The following PROSER1 variants were observed in gnomAD, a reference collection of about 807,000 sequenced individuals.
PROSER1 encodes the protein proline and serine-rich protein 1.
Under a neutral mutation model 71.8 loss-of-function variants are expected in PROSER1, and 36 were observed. That is an observed-to-expected ratio of 0.50 (90% CI 0.38 to 0.66). The LOEUF is 0.66. Among genes scored for constraint, PROSER1 ranks in the 30% least tolerant of loss-of-function variants. The pLI is 0.00. For missense variants in PROSER1, 1,107 were observed against 1,135.0 expected (o/e 0.98, Z 0.35); for synonymous variants, 490 against 452.4 (o/e 1.08, Z -1.06).
At chr13:39,022,226 T>C in intron 9 of PROSER1, 100 bp downstream of exon 9, 2 of 807,386 alleles carry the variant, frequency 2.5e-6, no homozygotes, top group South Asian at 2.9e-5. Context: ...CTTGAGCTTG[T>C]GTTCCCTCTG....
intron 3 of PROSER1, among the ~76,000 whole-genome samples, chr13:39,029,852 G>C (rs960788695): frequency 6.6e-6 from 1 of 152,142 alleles, no homozygotes; most frequent in African/African-American, 2.4e-5. Flanking sequence ...GTAGGGAAAA[G>C]CTGGGTTAAA....
In PROSER1 at chr13:39,012,964, G is replaced by T. The variant is rs371650897; in HGVS notation, c.2288C>A (p.Pro763His). The T allele has an allele frequency of 6.2e-7, 1 of 1,614,050 alleles. No homozygotes were observed. Among genetic ancestry groups the T allele is most frequent in the African/African-American group, 1.3e-5 (1 of 74,926 alleles). The change falls in exon 11 of 13, where the codon CCC becomes CAC. Residue 763 changes from proline to histidine, a missense_variant. Pro to His is a moderately conservative substitution (Grantham distance 77). Coordinates refer to ENST00000352251, the MANE Select transcript of PROSER1 (RefSeq NM_025138.5). Reference sequence around the variant, plus strand: ...GGGAACAGCAGTGGACAGGTTGAGGGGGAAAGGTGCTGCTGAGACTGGTGC... The same window carrying T: ...GGGAACAGCAGTGGACAGGTTGAGGTGGAAAGGTGCTGCTGAGACTGGTGC... The part of the protein sequence containing the change: ...ASAPVSAAPF[P>H]LNLSTAVPSL...
Position 39,014,277 on chromosome 13 carries a change from G to T in PROSER1, c.975C>A (p.His325Gln). 6.2e-7 allele frequency: 1 copy of T among 1,614,174 alleles called. No homozygotes were observed. Among genetic ancestry groups the T allele is most frequent in the South Asian group, 1.1e-5 (1 of 91,078 alleles). ...GGTTTGGTATTGATGGCTGAGGTGTGTGAACGGCTGAGGAGACCTGCCCTG... is the reference window on the plus strand; with the variant it reads ...GGTTTGGTATTGATGGCTGAGGTGTTTGAACGGCTGAGGAGACCTGCCCTG... ...VFPGQVSSAVHTPQPSIPNPT... is the reference protein window; with the variant it reads ...VFPGQVSSAVQTPQPSIPNPT... Residue 325 changes from histidine (H) to glutamine (Q), a missense_variant, in exon 11 of 13, where the codon CAC becomes CAA. Coordinates refer to ENST00000352251, the MANE Select transcript of PROSER1 (RefSeq NM_025138.5).
chr13:39,033,283 C>T (rs998866577), intron 2 of PROSER1, among the ~76,000 whole-genome samples: 4 of 152,208 alleles, frequency 2.6e-5, no homozygotes, highest in Non-Finnish European at 5.9e-5. Context: ...AGCTGAAAAA[C>T]TGACATAAAG....
At chr13:39,022,288 T>G in intron 9 of PROSER1, 38 bp downstream of exon 9, 5 of 1,322,310 alleles carry the variant, frequency 3.8e-6, no homozygotes, top group Non-Finnish European at 5.5e-6. Flanking sequence ...CATTTGTATA[T>G]GAATAAGTTA....
rs149486351 is a variant in PROSER1, at chr13:39,013,615, G to C, written c.1637C>G (p.Ala546Gly). The C allele has an allele frequency of 9.9e-6, 16 of 1,614,046 alleles. No homozygotes were observed. The highest frequency in any genetic ancestry group is 5.0e-5 in the Admixed American group (3 of 60,004). The change falls in exon 11 of 13, where the codon GCT becomes GGT. Residue 546 changes from alanine to glycine, a missense_variant. Coordinates refer to ENST00000352251, the MANE Select transcript of PROSER1 (RefSeq NM_025138.5). ...ALFPGLPSPV[A>G]NSTSTPLTLP... ...TGTCAGGGGAGTGGAAGTTGAGTTAGCCACGGGAGACGGCAGGCCTGGGAA... is the reference window on the plus strand; with the variant it reads ...TGTCAGGGGAGTGGAAGTTGAGTTACCCACGGGAGACGGCAGGCCTGGGAA...
chr13:39,019,005 T>C (rs1430690231), intron 9 of PROSER1, among the ~76,000 whole-genome samples: 5 of 152,296 alleles, frequency 3.3e-5, no homozygotes, highest in Non-Finnish European at 7.4e-5. Context: ...AAATTTCCCA[T>C]CCACAACTCT....
rs1869777820 is a variant in PROSER1, at chr13:39,013,233, T to C, written c.2019A>G (p.Ser673=). Residue 673 remains serine, a synonymous_variant, in exon 11 of 13, where the codon TCA becomes TCG. Coordinates refer to ENST00000352251, the MANE Select transcript of PROSER1 (RefSeq NM_025138.5). Reference sequence around the variant, plus strand: ...GAAGGGAAATAGAGGAAAGAGGATTTGAACCATTTAAAGGAGTACTCAAGC... The same window carrying C: ...GAAGGGAAATAGAGGAAAGAGGATTCGAACCATTTAAAGGAGTACTCAAGC... The part of the protein sequence containing the change: ...LSSLSTPLNG[S]NPLSSISLPP... The C allele has an allele frequency of 1.2e-6, 2 of 1,614,006 alleles. No homozygotes were observed. Among genetic ancestry groups the C allele is most frequent in the East Asian group, 4.5e-5 (2 of 44,860 alleles).
intron 2 of PROSER1, 95 bp downstream of exon 2, chr13:39,034,036 A>C: frequency 1.2e-6 from 1 of 832,858 alleles, no homozygotes; most frequent in South Asian, 2.2e-5. Flanking sequence ...TACAGCAAAA[A>C]GGTAAAACCA....
rs1353624069 is a variant in PROSER1, at chr13:39,028,272, C to T, written c.324G>A (p.Arg108=). 4.4e-6 allele frequency: 7 copies of T among 1,599,108 alleles called. No homozygotes were observed. The highest frequency in any genetic ancestry group is 6.0e-6 in the Non-Finnish European group (7 of 1,167,440). ...ACCGTTTCTTCTCAGACATATTTAC[C>T]CTGAATAAATCTTCAATAGGACGAG... ...QNSRPIEDLF[R]VNMSEKKRCK... is the part of the protein sequence containing the mutation. Residue 108 remains arginine, a synonymous_variant, in exon 5 of 13, where the codon AGG becomes AGA. Coordinates refer to ENST00000352251, the MANE Select transcript of PROSER1 (RefSeq NM_025138.5).
At chr13:39,014,969 T>G (rs189360366) in intron 10 of PROSER1, among the ~76,000 whole-genome samples, 130 of 152,304 alleles carry the variant, frequency 8.5e-4, no homozygotes, top group African/African-American at 3.1e-3. Flanking sequence ...TTGAATTTAA[T>G]ATTCCAGATT....
At chr13:39,017,359 T>C in intron 10 of PROSER1, 141 bp downstream of exon 10, 1 of 642,902 alleles carries the variant, frequency 1.6e-6, no homozygotes, top group South Asian at 1.8e-5. Context: ...TAAACCACTT[T>C]TAACAAGTAT....
chr13:39,028,190 C>A (rs1386118996), intron 5 of PROSER1, 37 bp downstream of exon 5: 2 of 1,135,046 alleles, frequency 1.8e-6, no homozygotes, highest in South Asian at 2.6e-5. Flanking sequence ...TCGGAAAAAC[C>A]AGCGTACCAA....
intron 4 of PROSER1, 34 bp downstream of exon 4, chr13:39,029,247 T>TGAATTA: frequency 1.3e-6 from 1 of 741,234 alleles, no homozygotes; most frequent in Non-Finnish European, 1.9e-6. Flanking sequence ...TTTTCCCAAG[T>TGAATTA]AAAAAAAAAA....
rs1340128005 is a variant in PROSER1 at position 39,024,538 on chromosome 13, CT to C, written c.498del (p.Asp167MetfsTer12). ...CCTTCGTTAGTACATTCTTCACCAT[CT>C]TTTTTCAAAGGAGTTCCCTATTAAA... is the stretch of plus-strand genomic sequence containing the variant. Reference protein sequence around the residue: ...NGIFPGTPLKKDGEECTNEGK... With the variant: ...NGIFPGTPLKXDGEECTNEGK... On this transcript the variant is annotated frameshift_variant, in exon 7 of 13. Coordinates refer to ENST00000352251, the MANE Select transcript of PROSER1 (RefSeq NM_025138.5). LOFTEE classifies it high-confidence loss of function. 4.0e-6 allele frequency: 6 copies of C among 1,510,316 alleles called. No homozygotes were observed. Among genetic ancestry groups the C allele is most frequent in the Non-Finnish European group, 4.5e-6 (5 of 1,099,250 alleles). The allele number at this position is 1,510,316 out of a possible 1,614,324, so 93.6% of individuals were successfully genotyped here. A position where few individuals can be genotyped will look rare whatever the true frequency, so the allele number is the denominator to read the frequency against.
At chr13:39,035,931 T>G (rs1227513365) in intron 1 of PROSER1, among the ~76,000 whole-genome samples, 1 of 152,352 alleles carries the variant, frequency 6.6e-6, no homozygotes, top group Middle Eastern at 3.4e-3. Context: ...CAGACTTAAG[T>G]TGCCATCTCA....
At position 39,023,120 on chromosome 13, in the gene PROSER1, G is replaced by A; in HGVS notation, c.575C>T (p.Thr192Ile). The change falls in exon 8 of 13, where the codon ACA (threonine) becomes ATA (isoleucine). Residue 192 changes from threonine to isoleucine, a missense_variant. By Grantham distance (89) the Thr-to-Ile change is moderately conservative. Transcript: ENST00000352251. ...ILGPSKPPPS[T>I]YNPHKPVPYP... ...AGGAACAGGTTTATGTGGATTATAT[G>A]TTGAAGGAGGCTAAAACATGGGGGA... 1.2e-6 allele frequency: 2 copies of A among 1,612,556 alleles called. No homozygotes were observed. The highest frequency in any genetic ancestry group is 1.7e-6 in the Non-Finnish European group (2 of 1,178,784).
At chr13:39,012,488 A>C (rs1869712260) in intron 11 of PROSER1, 27 of 638,114 alleles carry the variant, frequency 4.2e-5, no homozygotes, top group East Asian at 1.1e-4. Context: ...ACTATCAAAT[A>C]CAAATCCAAA....
chr13:39,018,658 T>A (rs553072672), intron 9 of PROSER1, among the ~76,000 whole-genome samples: 3 of 151,540 alleles, frequency 2.0e-5, no homozygotes, highest in Admixed American at 2.0e-4. Context: ...TCACTTAGAA[T>A]GCCAAAAAAA....
Sources: allele counts gnomAD v4.1 joint callset (sites outside exome capture counted in the v4.1 genomes callset), GRCh38; gene constraint gnomAD v4.1.1; transcripts MANE v1.5; gene names NCBI Gene and HGNC (gene_info 2026-07-23, HGNC 2026-07-21).